The following F5 variants were observed in gnomAD, a reference collection of about 807,000 sequenced individuals.
F5 encodes coagulation factor V.
A neutral mutation model predicts 216.4 loss-of-function variants in F5; 138 were observed. The observed-to-expected ratio is 0.64, with a 90% CI of 0.56 to 0.73. The LOEUF (loss-of-function observed/expected upper bound fraction) is 0.73. Ranked by LOEUF, F5 falls within the 30% of genes least tolerant of loss-of-function variation. F5 has a pLI of 0.00. For synonymous variants in F5, 916 were observed against 930.7 expected (o/e 0.98, Z 0.29); for missense variants, 2,403 against 2,674.0 (o/e 0.90, Z 2.24).
At chr1:169,580,316 G>A (rs546305490) in intron 2 of F5, among the ~76,000 whole-genome samples, 8 of 151,768 alleles carry the variant, frequency 5.3e-5, no homozygotes, top group Admixed American at 5.2e-4. Flanking sequence ...CAAGGTCCAT[G>A]TCTTATTCAC....
intron 21 of F5, among the ~76,000 whole-genome samples, chr1:169,522,090 T>A (rs1474791379): frequency 1.3e-5 from 2 of 151,742 alleles, no homozygotes; most frequent in African/African-American, 2.4e-5. Context: ...TAGAGGGAAT[T>A]GACCAGTTAA....
chr1:169,542,631 A>G lies in F5; in HGVS notation c.2459T>C (p.Leu820Pro). The G allele has an allele frequency of 6.2e-7, 1 of 1,614,104 alleles. No individual in the cohort carries two copies. The highest frequency in any genetic ancestry group is 8.5e-7 in the Non-Finnish European group (1 of 1,179,978). The change falls in exon 13 of 25, where the codon CTC becomes CCC. Residue 820 changes from leucine to proline, a missense_variant. Leu to Pro is a moderately conservative substitution (Grantham distance 98). Coordinates refer to ENST00000367797, the MANE Select transcript of F5 (RefSeq NM_000130.5). ...LRHLIGKNSVLNSSTAEHSSP... is the reference protein window; with the variant it reads ...LRHLIGKNSVPNSSTAEHSSP... ...GGAATGCTCTGCTGTGGAAGAATTG[A>G]GAACTGAGTTCTTGCCAATGAGGTG...
intron 3 of F5, among the ~76,000 whole-genome samples, chr1:169,561,636 A>G (rs890193058): frequency 6.6e-6 from 1 of 152,120 alleles, no homozygotes; most frequent in Non-Finnish European, 1.5e-5. Context: ...TGCCTGAGGA[A>G]TTCCTCATTT....
At chr1:169,525,025 T>A in intron 18 of F5, 117 bp from the exon 19 acceptor site, 1 of 811,728 alleles carries the variant, frequency 1.2e-6, no homozygotes, top group East Asian at 2.7e-5. Flanking sequence ...TTTACCTACC[T>A]TGTGTGGCCC....
intron 9 of F5, among the ~76,000 whole-genome samples, chr1:169,550,281 G>GCCC (rs1162969643): frequency 3.5e-4 from 11 of 31,808 alleles, no homozygotes; most frequent in South Asian, 1.8e-3. Context: ...CCCTCCCCCC[G>GCCC]CCCCCCACCC....
chr1:169,583,629 G>C (rs1259058509), intron 1 of F5, among the ~76,000 whole-genome samples: 1 of 152,276 alleles, frequency 6.6e-6, no homozygotes, highest in East Asian at 1.9e-4. Flanking sequence ...CATAGAGCTG[G>C]CACACTAGAA....
rs963328126 is a variant in F5 at position 169,548,177 on chromosome 1, C to T, written c.1612-1585G>A. Among the ~76,000 whole-genome samples the T allele has an allele frequency of 9.9e-5, 15 of 152,188 alleles. No individual in the cohort carries two copies. The South Asian group carries it at 1.2e-3, about 13-fold the overall frequency. On this transcript the variant is annotated intron_variant, in intron 10 of 24. Coordinates refer to ENST00000367797, the MANE Select transcript of F5 (RefSeq NM_000130.5). ...GACACATAGAAGGGAACAATACATA[C>T]TGGGGCCTATCAGAGGATGGAGGGT...
chr1:169,552,627 A>G lies in F5; in HGVS notation c.1226T>C (p.Val409Ala), dbSNP rs1660199634. ...CCCATCTTCTTTCATATTGGGATTC[A>G]CTGTATGTTTGGTGAAGGACTCATC... ...YEDESFTKHTVNPNMKEDGIL... is the reference protein window; with the variant it reads ...YEDESFTKHTANPNMKEDGIL... Residue 409 changes from valine to alanine, a missense_variant, in exon 8 of 25, where the codon GTG becomes GCG. Around this residue, in one of 4 missense-constraint regions of F5, gnomAD observed 1,425 missense variants for 1,554.8 expected, o/e 0.92. Transcript: ENST00000367797. 1 of 1,613,284 alleles carries G rather than the reference A, an allele frequency of 6.2e-7. No individual in the cohort carries two copies. Among genetic ancestry groups the G allele is most frequent in the African/African-American group, 1.3e-5 (1 of 74,904 alleles).
intron 23 of F5, among the ~76,000 whole-genome samples, chr1:169,518,206 G>A (rs1659203693): frequency 6.6e-6 from 1 of 152,148 alleles, no homozygotes; most frequent in Admixed American, 6.5e-5. Context: ...AAAAACCACA[G>A]AGATGATAAA....
chr1:169,550,799 G>C, intron 8 of F5, 60 bp from the exon 9 acceptor site: 5 of 1,257,664 alleles, frequency 4.0e-6, no homozygotes, highest in Non-Finnish European at 4.7e-6. Flanking sequence ...AATAATATAA[G>C]ATACTAGCTT....
chr1:169,514,402 T>C lies in F5; in HGVS notation c.6586A>G (p.Ile2196Val), dbSNP rs770657381. ...ATGACACGGATAAACCTGGAAATGA[T>C]TGGGGGGTTGAAAAAGTTCTTCACA... ...GHVKNFFNPPIISRFIRVIPK... is the reference protein window; with the variant it reads ...GHVKNFFNPPVISRFIRVIPK... The change falls in exon 25 of 25, where the codon ATC becomes GTC. Residue 2196 changes from isoleucine (I) to valine (V), a missense_variant. Ile to Val is a conservative substitution (Grantham distance 29). Coordinates refer to ENST00000367797, the MANE Select transcript of F5 (RefSeq NM_000130.5). The C allele has an allele frequency of 1.1e-5, 17 of 1,613,158 alleles. No individual in the cohort carries two copies. The highest frequency in any genetic ancestry group is 1.6e-4 in the Middle Eastern group (1 of 6,080).
intron 10 of F5, 67 bp from the exon 11 acceptor site, chr1:169,546,659 A>T: frequency 6.9e-7 from 1 of 1,445,710 alleles, no homozygotes; most frequent in Admixed American, 1.7e-5. Flanking sequence ...CAGAATAGAG[A>T]ACTCAGAAAT....
chr1:169,558,330 CA>C (rs1571588628), intron 5 of F5, among the ~76,000 whole-genome samples: 1 of 152,002 alleles, frequency 6.6e-6, no homozygotes, highest in East Asian at 1.9e-4. Context: ...TTCAGAAAAC[CA>C]AGTGGAAAAT....
chr1:169,583,065 G>T (rs1241598779), intron 1 of F5, among the ~76,000 whole-genome samples: 1 of 152,202 alleles, frequency 6.6e-6, no homozygotes, highest in African/African-American at 2.4e-5. Context: ...TCAGTAACTT[G>T]TCCAAGAGAT....
chr1:169,573,244 C>T (rs6693839), intron 2 of F5, among the ~76,000 whole-genome samples: 37,290 of 152,002 alleles, frequency 0.25, 5,382 homozygotes, highest in South Asian at 0.36. Flanking sequence ...CACCACGCCT[C>T]GTCTAAGTGA....
intron 2 of F5, among the ~76,000 whole-genome samples, chr1:169,577,163 C>A (rs532775359): frequency 6.6e-6 from 1 of 152,114 alleles, no homozygotes; most frequent in East Asian, 1.9e-4. Flanking sequence ...CTTGGGGAAG[C>A]CAGCACAGCA....
chr1:169,580,573 G>T (rs10800458), intron 2 of F5, among the ~76,000 whole-genome samples: 46,619 of 151,744 alleles, frequency 0.31, 9,108 homozygotes, highest in East Asian at 0.66. Context: ...CAGTAGAGGC[G>T]GGGTTTCACC....
intron 14 of F5, among the ~76,000 whole-genome samples, chr1:169,533,347 C>T (rs1659632110): frequency 6.6e-6 from 1 of 152,106 alleles, no homozygotes; most frequent in Non-Finnish European, 1.5e-5. Flanking sequence ...TGGATATCAG[C>T]CTTGGGAAAG....
In F5 at chr1:169,541,846, G is replaced by C. The variant is rs1659860500; in HGVS notation, c.3244C>G (p.Leu1082Val). The change falls in exon 13 of 25, where the codon CTC (leucine) becomes GTC (valine). Residue 1082 changes from leucine to valine, a missense_variant. Physicochemically the swap from Leu to Val is conservative, Grantham distance 32 (BLOSUM62 1). This residue lies in a region of F5 where 1,425 missense variants were observed against 1,554.8 expected (regional missense o/e 0.92). Coordinates refer to ENST00000367797, the MANE Select transcript of F5 (RefSeq NM_000130.5). ...TCCATAGAGGGCAATGTCTGATTGAGGTCTGTGGGAAGAGATGTTTCATTG... is the reference window on the plus strand; with the variant it reads ...TCCATAGAGGGCAATGTCTGATTGACGTCTGTGGGAAGAGATGTTTCATTG... The part of the protein sequence containing the change: ...KSNETSLPTD[L>V]NQTLPSMDFG... 1 of 1,614,120 alleles carries C rather than the reference G, an allele frequency of 6.2e-7. No homozygotes were observed. The highest frequency in any genetic ancestry group is 1.1e-5 in the South Asian group (1 of 91,086).
Sources: allele counts gnomAD v4.1 joint callset (sites outside exome capture counted in the v4.1 genomes callset), GRCh38; gene constraint gnomAD v4.1.1; regional missense constraint gnomAD v4.1.1; transcripts MANE v1.5; gene names NCBI Gene and HGNC (gene_info 2026-07-23, HGNC 2026-07-21).